IL17RD: variants seen among roughly 807,000 people sequenced by gnomAD.
The protein encoded by IL17RD is interleukin-17 receptor D.
In IL17RD, 52 loss-of-function variants were observed where a neutral mutation model predicts 80.5. The ratio of observed to expected loss-of-function variants is 0.65; its 90% CI spans 0.52 to 0.81. The LOEUF (loss-of-function observed/expected upper bound fraction) is 0.81, where lower values mean the gene tolerates loss of function less well. IL17RD is among the 40% of genes least tolerant of loss of function. The probability of loss-of-function intolerance (pLI) is 0.00; values close to 1 mark genes in which losing one functional copy is unlikely to be tolerated. For synonymous variants in IL17RD, 416 were observed against 391.8 expected, an observed-to-expected ratio of 1.06 and a Z score of -0.73; for missense variants, 1,024 against 955.1, an observed-to-expected ratio of 1.07 and a Z score of -0.95.
At position 57,098,516 on chromosome 3, in the gene IL17RD, T is replaced by C. The variant is rs773268805; in HGVS notation, c.1187A>G (p.Asp396Gly). ...GCEVALDLWE[D>G]FSLCREGQRE... ...CTGCCCTTCTCTACAGAGGCTGAAG[T>C]CTTCCCACAGGTCCAGAGCCACCTG... Residue 396 changes from aspartate (D) to glycine (G), a missense_variant, in exon 12 of 13, where the codon GAC becomes GGC. Transcript: ENST00000296318. 6.2e-7 allele frequency: 1 copy of C among 1,607,154 alleles called. No individual in the cohort carries two copies. Among genetic ancestry groups the C allele is most frequent in the Non-Finnish European group, 8.5e-7 (1 of 1,175,832 alleles).
At chr3:57,134,920 C>G (rs1411168183) in intron 1 of IL17RD, among the ~76,000 whole-genome samples, 1 of 152,128 alleles carries the variant, frequency 6.6e-6, no homozygotes, top group African/African-American at 2.4e-5. Context: ...GCCTGGACAA[C>G]ATGGTGAAAC....
chr3:57,161,362 T>A (rs1277927256), intron 1 of IL17RD, among the ~76,000 whole-genome samples: 2 of 152,226 alleles, frequency 1.3e-5, no homozygotes, highest in Non-Finnish European at 2.9e-5. Flanking sequence ...AATTCTTGGA[T>A]TGGACTTTTA....
At chr3:57,154,277 T>TACACACACACACACAC (rs1420516131) in intron 1 of IL17RD, among the ~76,000 whole-genome samples, 3 of 124,528 alleles carry the variant, frequency 2.4e-5, no homozygotes, top group African/African-American at 1.1e-4. Flanking sequence ...TATATATATA[T>TACACACACACACACAC]ATATATACAC....
intron 1 of IL17RD, among the ~76,000 whole-genome samples, chr3:57,121,704 T>C (rs1275793764): frequency 3.3e-5 from 5 of 152,128 alleles, no homozygotes; most frequent in Admixed American, 6.5e-5. Context: ...CCTAAGAGTG[T>C]CTACAACTGC....
In IL17RD at chr3:57,096,723, G is replaced by A. The variant is rs146835806; in HGVS notation, c.2108-218C>T. Among the ~76,000 whole-genome samples the A allele has an allele frequency of 4.7e-3, 722 of 152,178 alleles. 7 individuals carry two copies. The highest frequency in any genetic ancestry group is 7.1e-3 in the Non-Finnish European group (480 of 67,994). On this transcript the variant is annotated intron_variant, in intron 12 of 12. Transcript: ENST00000296318. The stretch of plus-strand genomic sequence containing the variant: ...AAGAGATATTTCTTAAAAGTCAAGC[G>A]TTTAGGCCGGGCGCAGTGGCTCACG...
At chr3:57,148,709 A>C (rs1450830723) in intron 1 of IL17RD, among the ~76,000 whole-genome samples, 1 of 152,122 alleles carries the variant, frequency 6.6e-6, no homozygotes, top group Non-Finnish European at 1.5e-5. Context: ...ATAAAGCAGG[A>C]AGTTTATGCC....
At position 57,134,259 on chromosome 3, in the gene IL17RD, C is replaced by T. The variant is rs184841008; in HGVS notation, c.127-13946G>A. The stretch of plus-strand genomic sequence containing the variant: ...CAATGCCAACTTCCATCAGCAGATC[C>T]AGAAGCTGATCAAAGATGGGCTGAT... On this transcript the variant is annotated intron_variant, in intron 1 of 12. Coordinates refer to ENST00000296318, the MANE Select transcript of IL17RD (RefSeq NM_017563.5). 3.3e-3 allele frequency: 2,239 copies of T among 685,222 alleles called. 15 individuals are homozygous for T. Among genetic ancestry groups the T allele is most frequent in the Non-Finnish European group, 4.0e-3 (1,462 of 362,130 alleles). The allele number at this position is 685,222 out of a possible 1,614,324, so 42.4% of individuals were successfully genotyped here.
At chr3:57,113,456 C>T (rs1314406748) in intron 3 of IL17RD, among the ~76,000 whole-genome samples, 3 of 152,118 alleles carry the variant, frequency 2.0e-5, no homozygotes, top group Admixed American at 6.5e-5. Flanking sequence ...AGGCTAGTCT[C>T]AAACTCCTGA....
At chr3:57,169,056 G>A (rs1013024977), upstream of IL17RD, among the ~76,000 whole-genome samples, 58 of 152,246 alleles carry the variant, frequency 3.8e-4, no homozygotes, top group African/African-American at 1.4e-3. Context: ...CAGAATAGCT[G>A]TAAGGCTGCA....
chr3:57,110,742 C>T (rs995125895), intron 3 of IL17RD, among the ~76,000 whole-genome samples: 4 of 152,232 alleles, frequency 2.6e-5, no homozygotes, highest in African/African-American at 9.6e-5. Context: ...TTTAGCTCTA[C>T]ATTTTTTGGC....
intron 5 of IL17RD, among the ~76,000 whole-genome samples, chr3:57,106,422 A>G (rs1170225302): frequency 1.3e-5 from 2 of 152,232 alleles, no homozygotes; most frequent in Non-Finnish European, 2.9e-5. Context: ...CTTGTCAGGC[A>G]TTACATAATT....
intron 1 of IL17RD, among the ~76,000 whole-genome samples, chr3:57,131,770 C>A (rs980621733): frequency 2.6e-5 from 4 of 152,356 alleles, no homozygotes; most frequent in African/African-American, 9.6e-5. Context: ...TTTCAGGAGG[C>A]TTCTGGACCC....
At chr3:57,156,783 G>C (rs35424480) in intron 1 of IL17RD, among the ~76,000 whole-genome samples, 37,961 of 150,800 alleles carry the variant, frequency 0.25, 6,396 homozygotes, top group African/African-American at 0.45. Flanking sequence ...ACCATCCCCC[G>C]ACCAATGAGC....
rs532219103 is a variant in IL17RD, at chr3:57,128,431, G to A, written c.127-8118C>T. Among the ~76,000 whole-genome samples, 9 of 152,226 alleles carry A rather than the reference G, an allele frequency of 5.9e-5. No homozygotes were observed. The East Asian group carries it at 7.7e-4, about 13-fold the overall frequency. On this transcript the variant is annotated intron_variant, in intron 1 of 12. Coordinates refer to ENST00000296318, the MANE Select transcript of IL17RD (RefSeq NM_017563.5). ...GAAAGCTGAAGGGACAATTGTTTCT[G>A]AGCTCTAACATGAGGCCGACCCATG...
chr3:57,102,544 A>G lies in IL17RD; in HGVS notation c.914T>C (p.Val305Ala), dbSNP rs762762824. 1.9e-5 allele frequency: 30 copies of G among 1,580,854 alleles called. 1 individual carries two copies. In the South Asian group the frequency reaches 3.1e-4, roughly 16 times the overall value. ...GAATGCCGATATGACTACCAGTGGC[A>G]CTGTGATGGCCACGGCTCTGATGGG... The part of the protein sequence containing the change: ...AGPIRAVAIT[V>A]PLVVISAFAT... Residue 305 changes from valine (V) to alanine (A), a missense_variant, in exon 10 of 13, where the codon GTG (valine) becomes GCG (alanine). Val to Ala is a moderately conservative substitution (Grantham distance 64). Coordinates refer to ENST00000296318, the MANE Select transcript of IL17RD (RefSeq NM_017563.5).
chr3:57,145,220 G>C (rs1044200774), intron 1 of IL17RD, among the ~76,000 whole-genome samples: 1 of 152,144 alleles, frequency 6.6e-6, no homozygotes, highest in African/African-American at 2.4e-5. Flanking sequence ...CAGTCCCCTT[G>C]TTTATGGATT....
At chr3:57,158,815 A>G (rs1015097835) in intron 1 of IL17RD, among the ~76,000 whole-genome samples, 4 of 152,222 alleles carry the variant, frequency 2.6e-5, no homozygotes, top group African/African-American at 9.6e-5. Context: ...GCCTGGTGTT[A>G]TTAATTAAAA....
chr3:57,148,324 CA>C (rs34343372), intron 1 of IL17RD, among the ~76,000 whole-genome samples: 295 of 104,030 alleles, frequency 2.8e-3, no homozygotes, highest in Middle Eastern at 0.013. Flanking sequence ...GACTCTATCT[CA>C]AAAAAAAAAA....
intron 1 of IL17RD, among the ~76,000 whole-genome samples, chr3:57,155,031 G>C (rs768842154): frequency 6.6e-6 from 1 of 152,124 alleles, no homozygotes; most frequent in Non-Finnish European, 1.5e-5. Flanking sequence ...AATCAAAGCC[G>C]GGCAAAAACT....
Sources: gnomAD v4.1 joint callset for allele counts (sites outside exome capture counted in the v4.1 genomes callset) on GRCh38, gnomAD v4.1.1 for gene constraint, MANE v1.5 for transcripts, NCBI Gene and HGNC (gene_info 2026-07-23, HGNC 2026-07-21) for gene names.